ZNF862: variants seen among roughly 807,000 people sequenced by gnomAD.
ZNF862 encodes zinc finger protein 862.
ZNF862 carries 64 observed loss-of-function variants against 91.1 expected under a neutral mutation model. That is an observed-to-expected ratio of 0.70 (90% CI 0.57 to 0.87). The LOEUF (loss-of-function observed/expected upper bound fraction) is 0.87, where lower values mean the gene tolerates loss of function less well. Among genes scored for constraint, ZNF862 ranks in the 40% least tolerant of loss-of-function variants. The probability of loss-of-function intolerance (pLI) is 0.00; values close to 1 mark genes in which losing one functional copy is unlikely to be tolerated. For synonymous variants in ZNF862, 631 were observed against 618.1 expected, an observed-to-expected ratio of 1.02 and a Z score of -0.31; for missense variants, 1,459 against 1,528.0, an observed-to-expected ratio of 0.95 and a Z score of 0.75.
At chr7:149,856,141 G>A (rs1802256593) in intron 5 of ZNF862, 1 of 152,304 alleles carries the variant, frequency 6.6e-6, no homozygotes, top group Non-Finnish European at 1.5e-5. Flanking sequence ...ATGTGTCCGT[G>A]TCTGGCTTTG....
chr7:149,857,217 T>G (rs1335593935), intron 5 of ZNF862, among the ~76,000 whole-genome samples: 1 of 152,146 alleles, frequency 6.6e-6, no homozygotes, highest in Admixed American at 6.5e-5. Context: ...TTTCTTCCTA[T>G]TTTCTCTTTT....
chr7:149,841,786 T>G, intron 1 of ZNF862: 12 of 982,958 alleles, frequency 1.2e-5, no homozygotes, highest in Non-Finnish European at 1.4e-5. Flanking sequence ...TGATACTCCT[T>G]TCTCATTTTT....
At position 149,862,452 on chromosome 7, in the gene ZNF862, C is replaced by T. The variant is rs1802552077; in HGVS notation, c.3292C>T (p.His1098Tyr). 1 of 1,611,406 alleles carries T rather than the reference C, an allele frequency of 6.2e-7. No homozygotes were observed. Among genetic ancestry groups the T allele is most frequent in the Non-Finnish European group, 8.5e-7 (1 of 1,179,502 alleles). Residue 1098 changes from histidine to tyrosine, a missense_variant, in exon 7 of 8, where the codon CAT becomes TAT. Transcript: ENST00000223210. ...GACCTCCTCAGGCCGGCGTTTCAGC[C>T]ATGTCTACACCTGTGCCCAGGTGCC... is the stretch of plus-strand genomic sequence containing the variant. ...YLTSSGRRFS[H>Y]VYTCAQVPAR...
At chr7:149,860,324 G>A in intron 6 of ZNF862, 59 bp from the exon 7 acceptor site, 1 of 1,499,946 alleles carries the variant, frequency 6.7e-7, no homozygotes, top group Non-Finnish European at 9.0e-7. Flanking sequence ...TGTCTTAGCT[G>A]ATAGAAGATG....
chr7:149,838,484 C>A lies in ZNF862; in HGVS notation c.-128C>A. On this transcript the variant is annotated 5_prime_UTR_variant, in exon 1 of 8. Coordinates refer to ENST00000223210, the MANE Select transcript of ZNF862 (RefSeq NM_001099220.3). ...GACGTGAGAGAGCGAAGTTCTTGGG[C>A]CGCGCTCCCTCCCTACCTGGGTGCC... The A allele has an allele frequency of 1.7e-6, 1 of 576,386 alleles. No individual in the cohort carries two copies. Among genetic ancestry groups the A allele is most frequent in the Non-Finnish European group, 2.6e-6 (1 of 388,780 alleles). The allele number at this position is 576,386 out of a possible 1,614,324, so 35.7% of individuals were successfully genotyped here.
rs752964494 is a variant in ZNF862 at position 149,862,031 on chromosome 7, T to C, written c.2871T>C (p.Ser957=). Reference sequence around the variant, plus strand: ...TGTTTGACACCATGGCCTGGCCAAGTGGGATTGAACTTGCCAGTTTTGGGA... The same window carrying C: ...TGTTTGACACCATGGCCTGGCCAAGCGGGATTGAACTTGCCAGTTTTGGGA... ...MEVFDTMAWP[S]GIELASFGND... is the part of the protein sequence containing the mutation. The change falls in exon 7 of 8, where the codon AGT becomes AGC. Residue 957 remains serine, a synonymous_variant. Transcript: ENST00000223210. 11 of 1,613,632 alleles carry C rather than the reference T, an allele frequency of 6.8e-6. No individual in the cohort carries two copies. Among genetic ancestry groups the C allele is most frequent in the Non-Finnish European group, 9.3e-6 (11 of 1,179,834 alleles).
At chr7:149,854,173 C>T (rs1802175068) in intron 5 of ZNF862, among the ~76,000 whole-genome samples, 1 of 152,132 alleles carries the variant, frequency 6.6e-6, no homozygotes, top group Non-Finnish European at 1.5e-5. Flanking sequence ...TCTTTCTCAC[C>T]CTCTGGGTTA....
At chr7:149,851,588 A>T (rs1215554341) in intron 5 of ZNF862, 1 of 152,138 alleles carries the variant, frequency 6.6e-6, no homozygotes, top group African/African-American at 2.4e-5. Flanking sequence ...ACTCAGTTTC[A>T]CTGTGAGGCC....
Position 149,859,509 on chromosome 7 carries a change from G to T in ZNF862, c.1205G>T (p.Gly402Val), listed in dbSNP as rs1291626605. ...WIKDPNGPKW[G>V]KGRPPGNKKM... ...AAGGACCCAAATGGGCCAAAGTGGGGGAAAGGTCGTCCTCCAGGTGAGTGT... is the reference window on the plus strand; with the variant it reads ...AAGGACCCAAATGGGCCAAAGTGGGTGAAAGGTCGTCCTCCAGGTGAGTGT... The change falls in exon 6 of 8, where the codon GGG becomes GTG. Residue 402 changes from glycine (G) to valine (V), a missense_variant. By Grantham distance (109) the Gly-to-Val change is moderately radical. Coordinates refer to ENST00000223210, the MANE Select transcript of ZNF862 (RefSeq NM_001099220.3). 6.3e-7 allele frequency: 1 copy of T among 1,578,628 alleles called. No individual in the cohort carries two copies. The highest frequency in any genetic ancestry group is 1.2e-5 in the South Asian group (1 of 85,782).
At position 149,846,197 on chromosome 7, in the gene ZNF862, G is replaced by T. The variant is rs754870018; in HGVS notation, c.183G>T (p.Gly61=). The change falls in exon 3 of 8, where the codon GGG becomes GGT. Residue 61 remains glycine (G), a synonymous_variant. Coordinates refer to ENST00000223210, the MANE Select transcript of ZNF862 (RefSeq NM_001099220.3). The part of the protein sequence containing the change: ...NPELFRKFGR[G]PEPWLGSVQG... ...AGCTGTTCCGCAAGTTCGGACGAGG[G>T]CCAGAGCCATGGCTTGGCAGCGTCC... 6.2e-7 allele frequency: 1 copy of T among 1,613,768 alleles called. No homozygotes were observed. Among genetic ancestry groups the T allele is most frequent in the East Asian group, 2.2e-5 (1 of 44,876 alleles).
rs1178421089 is a variant in ZNF862 at position 149,862,820 on chromosome 7, C to A, written c.3334+326C>A. On this transcript the variant is annotated intron_variant, in intron 7 of 7. Coordinates refer to ENST00000223210, the MANE Select transcript of ZNF862 (RefSeq NM_001099220.3). ...GTCCTTTGATGCCTTGGTTTCTCAT[C>A]TGCCGAATGAGTTGTGTGTGGAAAA... is the stretch of plus-strand genomic sequence containing the variant. 2.4e-4 allele frequency among the ~76,000 whole-genome samples: 36 copies of A among 152,248 alleles called. 1 individual carries two copies.
rs1802299989 is a variant in ZNF862 at position 149,857,446 on chromosome 7, C to T, written c.1118-1976C>T. ...CTGTTATTTCCTCTTTCATGAATGG[C>T]TATCATGAGTTTTCTTTCTAGGAAT... On this transcript the variant is annotated intron_variant, in intron 5 of 7. Transcript: ENST00000223210. Among the ~76,000 whole-genome samples the T allele has an allele frequency of 2.0e-5, 3 of 152,038 alleles. No individual in the cohort carries two copies. In the South Asian group the frequency reaches 6.2e-4, roughly 31 times the overall value.
rs1392389552 is a variant in ZNF862 at position 149,860,951 on chromosome 7, G to T, written c.1791G>T (p.Thr597=). ...TVILGKYRNR[T]ACTQFIKYIS... is the part of the protein sequence containing the mutation. Reference sequence around the variant, plus strand: ...TATTAGGCAAGTACCGCAATCGCACGGCGTGCACTCAGTTCATCAAGTACA... The same window carrying T: ...TATTAGGCAAGTACCGCAATCGCACTGCGTGCACTCAGTTCATCAAGTACA... The change falls in exon 7 of 8, where the codon ACG becomes ACT. Residue 597 remains threonine, a synonymous_variant. Coordinates refer to ENST00000223210, the MANE Select transcript of ZNF862 (RefSeq NM_001099220.3). 6.2e-7 allele frequency: 1 copy of T among 1,613,534 alleles called. No individual in the cohort carries two copies. The highest frequency in any genetic ancestry group is 1.3e-5 in the African/African-American group (1 of 74,904).
At chr7:149,854,730 G>A (rs938860971) in intron 5 of ZNF862, among the ~76,000 whole-genome samples, 15 of 152,176 alleles carry the variant, frequency 9.9e-5, no homozygotes, top group African/African-American at 3.6e-4. Context: ...GCCTGCCAGC[G>A]GGGAGCACTT....
At position 149,859,671 on chromosome 7, in the gene ZNF862, T is replaced by C. The variant is rs372016298; in HGVS notation, c.1222+145T>C. On this transcript the variant is annotated intron_variant, in intron 6 of 7. Coordinates refer to ENST00000223210, the MANE Select transcript of ZNF862 (RefSeq NM_001099220.3). The stretch of plus-strand genomic sequence containing the variant: ...GGCAGGAGGCCCTGGGTAGACAAGA[T>C]GAATAAGCAACTAACCCTGCCCACA... 50 of 650,246 alleles carry C rather than the reference T, an allele frequency of 7.7e-5. No individual in the cohort carries two copies. The African/African-American group carries it at 7.7e-4, about 10-fold the overall frequency. The allele number at this position is 650,246 out of a possible 1,614,324, so 40.3% of individuals were successfully genotyped here. A position where few individuals can be genotyped will look rare whatever the true frequency, so the allele number is the denominator to read the frequency against.
In ZNF862 at chr7:149,843,926, G is replaced by A. The variant is rs1052155207; in HGVS notation, c.25-699G>A. ...GTTTGATTTTCTTGGATCTGCTGAA[G>A]TGACTGCTTTTGCATCTGCTTCTTG... is the stretch of plus-strand genomic sequence containing the variant. On this transcript the variant is annotated intron_variant, in intron 1 of 7. Coordinates refer to ENST00000223210, the MANE Select transcript of ZNF862 (RefSeq NM_001099220.3). 5.3e-5 allele frequency among the ~76,000 whole-genome samples: 8 copies of A among 152,182 alleles called. No individual in the cohort carries two copies. The South Asian group carries it at 1.7e-3, about 31-fold the overall frequency.
intron 5 of ZNF862, chr7:149,858,664 A>G (rs940516995): frequency 6.6e-6 from 1 of 152,288 alleles, no homozygotes; most frequent in Non-Finnish European, 1.5e-5. Flanking sequence ...TTTTCAATAG[A>G]GGAAATGGTT....
At position 149,860,377 on chromosome 7, in the gene ZNF862, C is replaced by T. The variant is rs1586068127; in HGVS notation, c.1223-6C>T. On this transcript the variant is annotated splice_polypyrimidine_tract_variant and splice_region_variant and intron_variant, in intron 6 of 7. Transcript: ENST00000223210. The stretch of plus-strand genomic sequence containing the variant: ...AGAACCAAGCATGATTCAATTTTCT[C>T]CAAAGGGAACAAGAAGATGGTGGCA... 6.2e-7 allele frequency: 1 copy of T among 1,601,016 alleles called. No homozygotes were observed. The highest frequency in any genetic ancestry group is 8.5e-7 in the Non-Finnish European group (1 of 1,173,304).
intron 1 of ZNF862, among the ~76,000 whole-genome samples, chr7:149,839,915 T>G (rs79681781): frequency 6.6e-6 from 1 of 152,136 alleles, no homozygotes; most frequent in Non-Finnish European, 1.5e-5. Context: ...TTATAAAATA[T>G]TGGGATTGAT....
Sources: gnomAD v4.1 joint callset for allele counts (sites outside exome capture counted in the v4.1 genomes callset) on GRCh38, gnomAD v4.1.1 for gene constraint, MANE v1.5 for transcripts, NCBI Gene and HGNC (gene_info 2026-07-23, HGNC 2026-07-21) for gene names.